The following STK26 variants were observed in gnomAD, a reference collection of about 807,000 sequenced individuals.
STK26 encodes serine/threonine-protein kinase 26.
STK26 carries 14 observed loss-of-function variants against 34.7 expected under a neutral mutation model. The observed-to-expected ratio is 0.40, with a 90% CI of 0.27 to 0.63. STK26 has a LOEUF of 0.63. Ranked by LOEUF, STK26 falls within the 30% of genes least tolerant of loss-of-function variation. The probability of loss-of-function intolerance (pLI) is 0.38; values close to 1 mark genes in which losing one functional copy is unlikely to be tolerated. For missense variants in STK26, 226 were observed against 309.1 expected (o/e 0.73, Z 2.02); for synonymous variants, 100 against 109.8 (o/e 0.91, Z 0.56).
At chrX:132,031,013 T>C (rs1925815906) in intron 2 of STK26, among the ~76,000 whole-genome samples, 1 of 111,278 alleles carries the variant, frequency 9.0e-6, no homozygotes, top group Admixed American at 9.5e-5. Context: ...CACAGTTTAC[T>C]GCAGCCTCAA....
At chrX:132,045,796 G>A (rs1048085812) in intron 2 of STK26, among the ~76,000 whole-genome samples, 4 of 112,147 alleles carry the variant, frequency 3.6e-5, no homozygotes, top group African/African-American at 1.3e-4. Context: ...GGGAACTTCA[G>A]ATCCCAGAGA....
At chrX:132,038,897 A>G (rs1314373500) in intron 2 of STK26, among the ~76,000 whole-genome samples, 1 of 111,764 alleles carries the variant, frequency 8.9e-6, no homozygotes, top group Non-Finnish European at 1.9e-5. Flanking sequence ...AGAGTTCTAA[A>G]TAGTAGTAGT....
chrX:132,023,458 CG>C, intron 1 of STK26, 49 bp from the exon 2 acceptor site: 1 of 675,811 alleles, frequency 1.5e-6, no homozygotes, highest in Non-Finnish European at 2.4e-6. Flanking sequence ...CTCCTAGCCC[CG>C]GGCTACGCGC....
chrX:132,070,869 G>A (rs778498699), intron 7 of STK26, among the ~76,000 whole-genome samples, 200 bp from the exon 8 acceptor site: 31 of 113,123 alleles, frequency 2.7e-4, no homozygotes, highest in African/African-American at 6.7e-4. Context: ...GGACACCAAA[G>A]TAGTAGATTC....
At chrX:132,051,820 C>A (rs969345945) in intron 2 of STK26, among the ~76,000 whole-genome samples, 20 of 109,981 alleles carry the variant, frequency 1.8e-4, no homozygotes, top group Admixed American at 5.9e-4. Context: ...TGTTCAACTC[C>A]CACTTATGAG....
At chrX:132,025,945 T>C (rs1935091160) in intron 2 of STK26, among the ~76,000 whole-genome samples, 1 of 111,666 alleles carries the variant, frequency 9.0e-6, no homozygotes, top group Non-Finnish European at 1.9e-5. Flanking sequence ...GAGCAACTTT[T>C]AGACCTTTAG....
intron 3 of STK26, among the ~76,000 whole-genome samples, chrX:132,058,841 T>G (rs973675754): frequency 9.0e-6 from 1 of 110,958 alleles, no homozygotes; most frequent in Admixed American, 9.6e-5. Context: ...CATGATAAAA[T>G]TGTAGAAATG....
chrX:132,065,587 A>G (rs1045984884), intron 4 of STK26, among the ~76,000 whole-genome samples: 24 of 112,324 alleles, frequency 2.1e-4, no homozygotes, highest in Non-Finnish European at 1.1e-4. Context: ...TCTTAATCTC[A>G]TCCTGCTATT....
chrX:132,067,239 C>A (rs1347183400), intron 4 of STK26, among the ~76,000 whole-genome samples: 1 of 111,520 alleles, frequency 9.0e-6, no homozygotes, highest in Non-Finnish European at 1.9e-5. Flanking sequence ...ATATGGCATT[C>A]ATGAAAGATG....
chrX:132,046,725 G>A (rs769934572), intron 2 of STK26, among the ~76,000 whole-genome samples: 33 of 111,332 alleles, frequency 3.0e-4, no homozygotes, highest in Non-Finnish European at 4.5e-4. Context: ...CAAAACTGCC[G>A]TTTAAGTAGG....
At chrX:132,048,892 A>G (rs761508619) in intron 2 of STK26, among the ~76,000 whole-genome samples, 1 of 112,445 alleles carries the variant, frequency 8.9e-6, no homozygotes, top group South Asian at 3.7e-4. Flanking sequence ...CTGGCACTTA[A>G]AAAAGATAGT....
At chrX:132,026,086 G>C (rs1350652935) in intron 2 of STK26, among the ~76,000 whole-genome samples, 1 of 111,849 alleles carries the variant, frequency 8.9e-6, no homozygotes, top group Non-Finnish European at 1.9e-5. Flanking sequence ...TGGGAAAAAT[G>C]ATTTTTCCAG....
At position 132,069,516 on chromosome X, in the gene STK26, A is replaced by G; in HGVS notation, c.636A>G (p.Leu212=). ...IWSLGITAIE[L]AKGEPPNSDM... is the part of the protein sequence containing the mutation. ...CATTGGGAATTACTGCTATTGAACT[A>G]GCCAAGGGAGAGCCACCTAACTCCG... The change falls in exon 7 of 12, where the codon CTA becomes CTG. Residue 212 remains leucine (L), a synonymous_variant. Transcript: ENST00000394334. 2 of 1,153,440 alleles carry G rather than the reference A, an allele frequency of 1.7e-6. No homozygotes were observed. Among genetic ancestry groups the G allele is most frequent in the Non-Finnish European group, 2.3e-6 (2 of 867,771 alleles).
chrX:132,034,045 G>A (rs957692440), intron 2 of STK26, among the ~76,000 whole-genome samples: 1 of 106,993 alleles, frequency 9.3e-6, no homozygotes, highest in Non-Finnish European at 1.9e-5. Flanking sequence ...AAGAGAGTAT[G>A]TATACATATG....
chrX:132,038,680 C>T (rs1229089027), intron 2 of STK26, among the ~76,000 whole-genome samples: 2 of 110,404 alleles, frequency 1.8e-5, no homozygotes, highest in African/African-American at 3.3e-5. Context: ...TTGTGGGGAG[C>T]GGGGGGCTAA....
intron 2 of STK26, among the ~76,000 whole-genome samples, chrX:132,024,756 T>G (rs1180207868): frequency 4.5e-5 from 5 of 110,056 alleles, no homozygotes; most frequent in Non-Finnish European, 9.5e-5. Flanking sequence ...ATGGAGTTTT[T>G]TTTTTTTTTT....
chrX:132,042,221 A>G (rs539027599), intron 2 of STK26, among the ~76,000 whole-genome samples: 1 of 111,361 alleles, frequency 9.0e-6, no homozygotes, highest in South Asian at 3.8e-4. Context: ...CTTCAAGAGG[A>G]GATTAACTCA....
At chrX:132,023,789 A>C in intron 2 of STK26, 130 bp downstream of exon 2, 3 of 803,354 alleles carry the variant, frequency 3.7e-6, no homozygotes, top group Non-Finnish European at 5.2e-6. Flanking sequence ...CACTATGGCC[A>C]GGTGACCTGG....
At chrX:132,070,840 G>A (rs1386933623) in intron 7 of STK26, among the ~76,000 whole-genome samples, 1 of 113,000 alleles carries the variant, frequency 8.8e-6, no homozygotes. Context: ...CCTGCTGCCC[G>A]TTGGGCTTTA....
Sources: allele counts gnomAD v4.1 joint callset (sites outside exome capture counted in the v4.1 genomes callset), GRCh38; gene constraint gnomAD v4.1.1; transcripts MANE v1.5; gene names NCBI Gene and HGNC (gene_info 2026-07-23, HGNC 2026-07-21).